ERBB4: variants seen among roughly 807,000 people sequenced by gnomAD.
The protein encoded by ERBB4 is erb-b2 receptor tyrosine kinase 4.
A neutral mutation model predicts 158.0 loss-of-function variants in ERBB4; 42 were observed. That is an observed-to-expected ratio of 0.27 (90% confidence interval 0.21 to 0.34). ERBB4 has a LOEUF of 0.34. Ranked by LOEUF, ERBB4 falls within the 10% of genes least tolerant of loss-of-function variation. The probability of loss-of-function intolerance (pLI) is 1.00; values close to 1 mark genes in which losing one functional copy is unlikely to be tolerated. For missense variants in ERBB4, 1,333 were observed against 1,624.1 expected (o/e 0.82, Z 3.08); for synonymous variants, 583 against 558.7 (o/e 1.04, Z -0.61).
At chr2:211,547,308 G>A (rs1425787942) in intron 20 of ERBB4, among the ~76,000 whole-genome samples, 1 of 152,086 alleles carries the variant, frequency 6.6e-6, no homozygotes, top group African/African-American at 2.4e-5. Context: ...AATTGTGGAA[G>A]TAAGTTAATC....
intron 2 of ERBB4, among the ~76,000 whole-genome samples, chr2:211,986,858 GTTTA>G (rs1397957326): frequency 6.6e-6 from 1 of 152,060 alleles, no homozygotes. Context: ...GTGAAGTAAA[GTTTA>G]TTTAATATTT....
At chr2:212,086,213 T>C (rs146224623) in intron 2 of ERBB4, among the ~76,000 whole-genome samples, 1,971 of 152,086 alleles carry the variant, frequency 0.013, 22 homozygotes, top group Middle Eastern at 0.027. Context: ...TTTTCTATTA[T>C]GTGGGCCAGA....
At chr2:212,479,061 G>A (rs769640638) in intron 1 of ERBB4, among the ~76,000 whole-genome samples, 2 of 152,284 alleles carry the variant, frequency 1.3e-5, no homozygotes, top group East Asian at 1.9e-4. Context: ...ATTTAGGGAT[G>A]TTTGTATGGC....
At chr2:211,728,856 G>T (rs1442847787) in intron 5 of ERBB4, among the ~76,000 whole-genome samples, 1 of 151,716 alleles carries the variant, frequency 6.6e-6, no homozygotes, top group African/African-American at 2.4e-5. Flanking sequence ...ATTTACTTTG[G>T]TTTTTCCTGC....
At chr2:211,405,210 C>A (rs558972179) in intron 25 of ERBB4, among the ~76,000 whole-genome samples, 1 of 152,106 alleles carries the variant, frequency 6.6e-6, no homozygotes, top group African/African-American at 2.4e-5. Flanking sequence ...TGCTATGTTG[C>A]CATATCACTA....
intron 25 of ERBB4, among the ~76,000 whole-genome samples, chr2:211,417,358 G>A (rs1206378619): frequency 6.6e-6 from 1 of 152,090 alleles, no homozygotes; most frequent in Admixed American, 6.6e-5. Flanking sequence ...TGCACCTGTG[G>A]TGCTACTCTG....
At chr2:212,332,863 C>A (rs1452325841) in intron 1 of ERBB4, among the ~76,000 whole-genome samples, 1 of 152,030 alleles carries the variant, frequency 6.6e-6, no homozygotes, top group African/African-American at 2.4e-5. Flanking sequence ...TGCCAAAAAT[C>A]ACTAGAAGCT....
intron 1 of ERBB4, among the ~76,000 whole-genome samples, chr2:212,371,715 T>C (rs1450264397): frequency 6.6e-6 from 1 of 152,164 alleles, no homozygotes; most frequent in Non-Finnish European, 1.5e-5. Flanking sequence ...GAAGTACATA[T>C]TACAATTCCC....
intron 19 of ERBB4, among the ~76,000 whole-genome samples, chr2:211,597,507 A>G (rs1371610711): frequency 6.6e-6 from 1 of 152,168 alleles, no homozygotes; most frequent in Non-Finnish European, 1.5e-5. Context: ...ACAGCTGTCC[A>G]AAATTTATCA....
chr2:211,859,480 T>TA (rs2077958269), intron 3 of ERBB4, among the ~76,000 whole-genome samples: 1 of 152,218 alleles, frequency 6.6e-6, no homozygotes, highest in Admixed American at 6.5e-5. Flanking sequence ...GCTTAGATAG[T>TA]AAAATCATTC....
At chr2:211,654,318 G>C (rs751544890) in intron 16 of ERBB4, among the ~76,000 whole-genome samples, 2 of 152,166 alleles carry the variant, frequency 1.3e-5, no homozygotes, top group Admixed American at 6.5e-5. Context: ...ATTCTGACAA[G>C]TCAATGCAAG....
intron 16 of ERBB4, among the ~76,000 whole-genome samples, chr2:211,646,569 A>G (rs1185095383): frequency 6.6e-6 from 1 of 151,672 alleles, no homozygotes; most frequent in East Asian, 1.9e-4. Flanking sequence ...CTGAAATAGG[A>G]AAAATATTTC....
At chr2:212,134,414 A>G (rs1301008906) in intron 1 of ERBB4, among the ~76,000 whole-genome samples, 1 of 152,034 alleles carries the variant, frequency 6.6e-6, no homozygotes, top group African/African-American at 2.4e-5. Context: ...AAAAGAGTTT[A>G]AAAATTGAAA....
chr2:211,393,666 A>G (rs1203917056), intron 25 of ERBB4, among the ~76,000 whole-genome samples: 2 of 151,834 alleles, frequency 1.3e-5, no homozygotes, highest in East Asian at 3.9e-4. Context: ...GCTCCACCCC[A>G]CTTATTTTCA....
At chr2:211,757,063 T>C (rs2075302587) in intron 4 of ERBB4, among the ~76,000 whole-genome samples, 1 of 152,206 alleles carries the variant, frequency 6.6e-6, no homozygotes, top group African/African-American at 2.4e-5. Flanking sequence ...GCTACATCAG[T>C]AGGAATTAAT....
intron 3 of ERBB4, among the ~76,000 whole-genome samples, chr2:211,829,178 A>T (rs1020363126): frequency 3.3e-5 from 5 of 152,168 alleles, no homozygotes; most frequent in Admixed American, 2.6e-4. Context: ...TACATGTATT[A>T]CTTCCATTAA....
chr2:211,861,350 GTT>G (rs67133944), intron 3 of ERBB4, among the ~76,000 whole-genome samples: 43,376 of 87,208 alleles, frequency 0.5, 7,312 homozygotes, highest in Middle Eastern at 0.55. Flanking sequence ...TTTTTTTTTT[GTT>G]TTTTTTTTTT....
chr2:211,642,598 T>C (rs1220014213), intron 16 of ERBB4, among the ~76,000 whole-genome samples: 1 of 152,108 alleles, frequency 6.6e-6, no homozygotes, highest in Non-Finnish European at 1.5e-5. Flanking sequence ...AGAATTTCTA[T>C]TTTTATAAGC....
rs2064049982 is a variant in ERBB4, at chr2:211,444,005, T to A, written c.2488-12905A>T. On this transcript the variant is annotated intron_variant, in intron 20 of 27. Coordinates refer to ENST00000342788, the MANE Select transcript of ERBB4 (RefSeq NM_005235.3). ...ATAAAACACACTTTTATACTTAGAA[T>A]CCCAAAGATCATCTATCAACTGCCA... is the stretch of plus-strand genomic sequence containing the variant. Among the ~76,000 whole-genome samples the A allele has an allele frequency of 3.9e-5, 6 of 152,056 alleles. No individual in the cohort carries two copies. The South Asian group carries it at 1.2e-3, about 31-fold the overall frequency.
Sources: allele counts gnomAD v4.1 joint callset (sites outside exome capture counted in the v4.1 genomes callset), GRCh38; gene constraint gnomAD v4.1.1; transcripts MANE v1.5; gene names NCBI Gene and HGNC (gene_info 2026-07-23, HGNC 2026-07-21).